UPP1: variants seen among roughly 807,000 people sequenced by gnomAD.
UPP1 encodes the protein UPase 1.
A neutral mutation model predicts 29.6 loss-of-function variants in UPP1; 25 were observed. That is an observed-to-expected ratio of 0.85 (90% confidence interval 0.62 to 1.18). The LOEUF (loss-of-function observed/expected upper bound fraction) is 1.18. Among genes scored for constraint, UPP1 ranks in the 50% most tolerant of loss-of-function variants. The pLI, the probability that UPP1 is intolerant of heterozygous loss-of-function variation, is 0.00. For missense variants in UPP1, 368 were observed against 410.4 expected (o/e 0.90, Z 0.89); for synonymous variants, 165 against 159.8 (o/e 1.03, Z -0.25).
At chr7:48,094,361 G>A (rs897144145) in intron 2 of UPP1, among the ~76,000 whole-genome samples, 1 of 152,046 alleles carries the variant, frequency 6.6e-6, no homozygotes, top group Non-Finnish European at 1.5e-5. Flanking sequence ...GATTACAGGC[G>A]CCTGCCACCA....
intron 2 of UPP1, among the ~76,000 whole-genome samples, chr7:48,092,704 C>CT (rs1207379327): frequency 0.012 from 1,685 of 136,028 alleles, 19 homozygotes; most frequent in South Asian, 0.025. Context: ...CTGTTTGTTT[C>CT]TTTTTTTTTT....
chr7:48,096,899 T>C (rs1298951774), intron 3 of UPP1, among the ~76,000 whole-genome samples: 2 of 152,088 alleles, frequency 1.3e-5, no homozygotes, highest in Non-Finnish European at 2.9e-5. Flanking sequence ...AGGGTTTCAC[T>C]GTGTTGTCCA....
At chr7:48,095,468 C>G (rs1792079633) in intron 3 of UPP1, among the ~76,000 whole-genome samples, 1 of 152,126 alleles carries the variant, frequency 6.6e-6, no homozygotes, top group Admixed American at 6.5e-5. Context: ...CCCCCTTGCT[C>G]TGGACTCCTG....
chr7:48,098,373 A>G (rs1391872287), intron 3 of UPP1, among the ~76,000 whole-genome samples: 1 of 152,152 alleles, frequency 6.6e-6, no homozygotes, highest in African/African-American at 2.4e-5. Flanking sequence ...TGATAAAATG[A>G]TAGATAAAAT....
intron 6 of UPP1, 43 bp downstream of exon 6, chr7:48,103,454 G>A (rs1457641081): frequency 9.2e-6 from 14 of 1,529,192 alleles, no homozygotes; most frequent in Non-Finnish European, 1.3e-5. Context: ...AATGGATGAG[G>A]GACTGGGGCA....
intron 6 of UPP1, chr7:48,103,763 C>T (rs1261843617): frequency 2.3e-6 from 3 of 1,292,832 alleles, no homozygotes; most frequent in South Asian, 2.5e-5. Flanking sequence ...CTTACTTTTC[C>T]TCCTCCCTAA....
intron 2 of UPP1, among the ~76,000 whole-genome samples, chr7:48,094,108 C>T (rs991957070): frequency 2.0e-4 from 31 of 151,916 alleles, no homozygotes; most frequent in African/African-American, 6.5e-4. Context: ...TGCAGTGAGC[C>T]GAGATGGCAC....
chr7:48,104,463 G>A (rs1277317272), intron 6 of UPP1, among the ~76,000 whole-genome samples: 1 of 152,146 alleles, frequency 6.6e-6, no homozygotes, highest in Middle Eastern at 3.2e-3. Context: ...GAAGAAGCCT[G>A]CATGTGCCCT....
chr7:48,092,216 G>T lies in UPP1; in HGVS notation c.-22+1852G>T, dbSNP rs143735447. On this transcript the variant is annotated intron_variant, in intron 2 of 8. Coordinates refer to ENST00000395564, the MANE Select transcript of UPP1 (RefSeq NM_003364.4). Reference sequence around the variant, plus strand: ...GTTGTAAGAGGGCACATTCTTCAGAGGAGCCACTCTTACGGGGGAATGTTC... The same window carrying T: ...GTTGTAAGAGGGCACATTCTTCAGATGAGCCACTCTTACGGGGGAATGTTC... Among the ~76,000 whole-genome samples, 37 of 152,258 alleles carry T rather than the reference G, an allele frequency of 2.4e-4. No individual in the cohort carries two copies. The East Asian group carries it at 7.2e-3, about 29-fold the overall frequency.
chr7:48,108,195 G>C, intron 8 of UPP1, 23 bp from the exon 9 acceptor site: 7 of 1,605,528 alleles, frequency 4.4e-6, no homozygotes, highest in Non-Finnish European at 6.0e-6. Context: ...ACCTTGCCTT[G>C]ATGTGGTCTT....
At chr7:48,089,839 G>C (rs1791725567) in intron 1 of UPP1, among the ~76,000 whole-genome samples, 1 of 152,212 alleles carries the variant, frequency 6.6e-6, no homozygotes, top group East Asian at 1.9e-4. Flanking sequence ...AAACCCGGGC[G>C]GGGAGTGCGG....
Position 48,107,412 on chromosome 7 carries a change from A to G in UPP1, c.698A>G (p.Gln233Arg), listed in dbSNP as rs1456232736. ...TGCTCCTACACGGAGAAGGACAAGC[A>G]GGCGTATCTGGAGGCAGCCTATGCA... The part of the protein sequence containing the change: ...ALCSYTEKDK[Q>R]AYLEAAYAAG... The change falls in exon 8 of 9, where the codon CAG becomes CGG. Residue 233 changes from glutamine to arginine, a missense_variant. Physicochemically the swap from Gln to Arg is conservative, Grantham distance 43. Transcript: ENST00000395564. 1 of 1,614,172 alleles carries G rather than the reference A, an allele frequency of 6.2e-7. No individual in the cohort carries two copies. Among genetic ancestry groups the G allele is most frequent in the East Asian group, 2.2e-5 (1 of 44,876 alleles).
At chr7:48,088,757 C>A (rs1791648094), upstream of UPP1, 1 of 152,528 alleles carries the variant, frequency 6.6e-6, no homozygotes, top group Non-Finnish European at 1.5e-5. Flanking sequence ...ACATTCCCGA[C>A]CACCGGGCCA....
At position 48,099,742 on chromosome 7, in the gene UPP1, C is replaced by T. The variant is rs137909912; in HGVS notation, c.117C>T (p.Leu39=). The T allele has an allele frequency of 2.5e-6, 4 of 1,613,810 alleles. No homozygotes were observed. In the African/African-American group the frequency reaches 5.3e-5, roughly 22 times the overall value. ...AAGATATTCTCTATCATTTCAATCT[C>T]ACCACTAGCAGACACAATTTCCCAG... The part of the protein sequence containing the change: ...MKEDILYHFN[L]TTSRHNFPAL... The change falls in exon 4 of 9, where the codon CTC becomes CTT. Residue 39 remains leucine, a synonymous_variant. Coordinates refer to ENST00000395564, the MANE Select transcript of UPP1 (RefSeq NM_003364.4).
At position 48,103,511 on chromosome 7, in the gene UPP1, C is replaced by T. The variant is rs566879022; in HGVS notation, c.436+100C>T. On this transcript the variant is annotated intron_variant, in intron 6 of 8. Transcript: ENST00000395564. ...GTGTGGCATTAGAGACAAAGAGTTCCTTTCTTGGCTTTGTTCAAGGGAAGC... is the reference window on the plus strand; with the variant it reads ...GTGTGGCATTAGAGACAAAGAGTTCTTTTCTTGGCTTTGTTCAAGGGAAGC... 46 of 1,091,436 alleles carry T rather than the reference C, an allele frequency of 4.2e-5. No homozygotes were observed. In the African/African-American group the frequency reaches 6.5e-4, roughly 15 times the overall value. The allele number at this position is 1,091,436 out of a possible 1,614,324, so 67.6% of individuals were successfully genotyped here.
At chr7:48,098,038 T>G (rs1434110250) in intron 3 of UPP1, among the ~76,000 whole-genome samples, 1 of 152,202 alleles carries the variant, frequency 6.6e-6, no homozygotes. Context: ...GGCAGGCTGC[T>G]GTGCCTTCCT....
In UPP1 at chr7:48,093,751, G is replaced by T. The variant is rs543576427; in HGVS notation, c.-21-1012G>T. The stretch of plus-strand genomic sequence containing the variant: ...CGTGGGCTGACTCAGGTCAGCCTCA[G>T]TCCCTCTCCCTCCTATGGTGGTCCC... On this transcript the variant is annotated intron_variant, in intron 2 of 8. Transcript: ENST00000395564. Among the ~76,000 whole-genome samples, 218 of 152,258 alleles carry T rather than the reference G, an allele frequency of 1.4e-3. 3 individuals are homozygous for T. The highest frequency in any genetic ancestry group is 4.8e-3 in the African/African-American group (201 of 41,554).
chr7:48,094,459 T>G (rs1792018769), intron 2 of UPP1, among the ~76,000 whole-genome samples: 1 of 152,100 alleles, frequency 6.6e-6, no homozygotes, highest in Non-Finnish European at 1.5e-5. Context: ...CCACCCACCT[T>G]GGCCTCCCAA....
intron 2 of UPP1, among the ~76,000 whole-genome samples, chr7:48,093,998 A>G (rs1460355618): frequency 6.6e-6 from 1 of 152,148 alleles, no homozygotes; most frequent in Non-Finnish European, 1.5e-5. Context: ...TGTCTCTACT[A>G]AAAATACAAA....
Sources: allele counts gnomAD v4.1 joint callset (sites outside exome capture counted in the v4.1 genomes callset), GRCh38; gene constraint gnomAD v4.1.1; transcripts MANE v1.5; gene names NCBI Gene and HGNC (gene_info 2026-07-23, HGNC 2026-07-21).